SHISA6: variants seen among roughly 807,000 people sequenced by gnomAD.
SHISA6 encodes the protein protein shisa-6.
In SHISA6, 22 loss-of-function variants were observed where a neutral mutation model predicts 47.9. The observed-to-expected ratio is 0.46, with a 90% confidence interval of 0.33 to 0.66. SHISA6 has a LOEUF of 0.66. SHISA6 is among the 30% of genes least tolerant of loss of function. SHISA6 has a pLI of 0.02. For synonymous variants in SHISA6, 388 were observed against 337.8 expected (o/e 1.15, Z -1.63); for missense variants, 680 against 764.6 (o/e 0.89, Z 1.30).
At chr17:11,471,080 A>C (rs1387428613) in intron 3 of SHISA6, among the ~76,000 whole-genome samples, 1 of 152,046 alleles carries the variant, frequency 6.6e-6, no homozygotes, top group African/African-American at 2.4e-5. Context: ...GTGGTGGCGC[A>C]TGCCTGTTAT....
At chr17:11,551,006 G>A (rs1323885945) in intron 3 of SHISA6, among the ~76,000 whole-genome samples, 2 of 152,204 alleles carry the variant, frequency 1.3e-5, no homozygotes, top group Non-Finnish European at 2.9e-5. Flanking sequence ...ATTCTAGACT[G>A]CAAGAAGGAC....
At chr17:11,455,129 A>G (rs1915502322) in intron 3 of SHISA6, among the ~76,000 whole-genome samples, 1 of 152,208 alleles carries the variant, frequency 6.6e-6, no homozygotes, top group Non-Finnish European at 1.5e-5. Context: ...AGATCACGCC[A>G]CTGCACTCCA....
At chr17:11,285,966 A>G (rs934522071) in intron 2 of SHISA6, among the ~76,000 whole-genome samples, 8 of 151,734 alleles carry the variant, frequency 5.3e-5, no homozygotes, top group Admixed American at 2.0e-4. Context: ...CCTCCTGAAT[A>G]GCTGGGATTA....
chr17:11,470,195 T>A (rs1915903571), intron 3 of SHISA6, among the ~76,000 whole-genome samples: 1 of 152,162 alleles, frequency 6.6e-6, no homozygotes. Flanking sequence ...TGTGGTAGTT[T>A]ATTAGAAGAC....
At chr17:11,243,746 T>G (rs1907466024) in intron 1 of SHISA6, among the ~76,000 whole-genome samples, 1 of 152,246 alleles carries the variant, frequency 6.6e-6, no homozygotes, top group Non-Finnish European at 1.5e-5. Flanking sequence ...CCTCAAGACT[T>G]GGAGGCTTGT....
At chr17:11,301,903 T>G (rs1909941189) in intron 2 of SHISA6, among the ~76,000 whole-genome samples, 1 of 152,130 alleles carries the variant, frequency 6.6e-6, no homozygotes, top group Non-Finnish European at 1.5e-5. Context: ...GAGAAAGAGG[T>G]TCAGTTGGAC....
chr17:11,277,219 C>T (rs1908933483), intron 2 of SHISA6, among the ~76,000 whole-genome samples: 2 of 147,218 alleles, frequency 1.4e-5, no homozygotes, highest in African/African-American at 2.5e-5. Context: ...CTGGTCTCTC[C>T]CTCCCCATCC....
chr17:11,345,919 C>T (rs1911687923), intron 2 of SHISA6, among the ~76,000 whole-genome samples: 1 of 152,024 alleles, frequency 6.6e-6, no homozygotes, highest in South Asian at 2.1e-4. Context: ...CAGATAGTTT[C>T]TCTCTTTCTT....
At chr17:11,249,163 A>T (rs1907705312) in intron 1 of SHISA6, among the ~76,000 whole-genome samples, 1 of 149,480 alleles carries the variant, frequency 6.7e-6, no homozygotes, top group South Asian at 2.1e-4. Flanking sequence ...AAAAAAATTC[A>T]GACTGTGAAT....
At chr17:11,348,723 C>T (rs943181516) in intron 2 of SHISA6, among the ~76,000 whole-genome samples, 2 of 151,892 alleles carry the variant, frequency 1.3e-5, no homozygotes, top group Non-Finnish European at 2.9e-5. Flanking sequence ...TCATTTGGGG[C>T]CTATATTTAA....
chr17:11,267,375 G>A (rs1311508805), intron 2 of SHISA6, among the ~76,000 whole-genome samples: 2 of 152,170 alleles, frequency 1.3e-5, no homozygotes, highest in African/African-American at 4.8e-5. Flanking sequence ...ATTTTAACAA[G>A]ATCCTCAGAG....
intron 3 of SHISA6, among the ~76,000 whole-genome samples, chr17:11,517,192 A>G (rs145542607): frequency 6.6e-6 from 1 of 152,166 alleles, no homozygotes; most frequent in Admixed American, 6.5e-5. Flanking sequence ...GCTTTTCTCT[A>G]AAGATGATTT....
chr17:11,246,489 CAAAAAATAAAAAG>C (rs1382388997), intron 1 of SHISA6, among the ~76,000 whole-genome samples: 27 of 151,558 alleles, frequency 1.8e-4, no homozygotes, highest in Non-Finnish European at 1.5e-5. Flanking sequence ...GACTCAGTCT[CAAAAAATAAAAAG>C]AAAAAATAAA....
intron 2 of SHISA6, among the ~76,000 whole-genome samples, chr17:11,292,602 A>G (rs1172236335): frequency 1.3e-5 from 2 of 151,952 alleles, no homozygotes; most frequent in Non-Finnish European, 2.9e-5. Context: ...GGGGAAGAAA[A>G]TTTCAGTTGG....
At chr17:11,498,628 C>T (rs1423214140) in intron 3 of SHISA6, among the ~76,000 whole-genome samples, 2 of 152,006 alleles carry the variant, frequency 1.3e-5, no homozygotes, top group Admixed American at 6.6e-5. Flanking sequence ...CACATGTAAC[C>T]CTCAAATATG....
chr17:11,296,684 G>A (rs750338414), intron 2 of SHISA6, among the ~76,000 whole-genome samples: 1 of 152,042 alleles, frequency 6.6e-6, no homozygotes, highest in Non-Finnish European at 1.5e-5. Flanking sequence ...GTGATGGGGG[G>A]ATGTCTCCTA....
At chr17:11,503,758 C>T (rs1275049184) in intron 3 of SHISA6, among the ~76,000 whole-genome samples, 1 of 152,200 alleles carries the variant, frequency 6.6e-6, no homozygotes, top group Non-Finnish European at 1.5e-5. Context: ...TTGACATCTG[C>T]TGTCTGTATC....
intron 2 of SHISA6, among the ~76,000 whole-genome samples, chr17:11,295,593 T>A (rs1424904022): frequency 1.3e-5 from 2 of 152,026 alleles, no homozygotes; most frequent in African/African-American, 2.4e-5. Flanking sequence ...ATTTTGTAAA[T>A]GATAAAGGAT....
intron 2 of SHISA6, among the ~76,000 whole-genome samples, chr17:11,303,666 A>G (rs1168613316): frequency 6.6e-6 from 1 of 152,200 alleles, no homozygotes; most frequent in Non-Finnish European, 1.5e-5. Flanking sequence ...CATACAGAGG[A>G]CAAGGGAGCC....
Sources: gnomAD v4.1 joint callset for allele counts (sites outside exome capture counted in the v4.1 genomes callset) on GRCh38, gnomAD v4.1.1 for gene constraint, MANE v1.5 for transcripts, NCBI Gene and HGNC (gene_info 2026-07-23, HGNC 2026-07-21) for gene names.